Variants in FHOD3 observed in about 807,000 individuals in gnomAD.
FHOD3 encodes the protein FH1/FH2 domain-containing protein 3.
A neutral mutation model predicts 173.0 loss-of-function variants in FHOD3; 90 were observed. The ratio of observed to expected loss-of-function variants is 0.52; its 90% CI spans 0.44 to 0.62. The LOEUF is 0.62. FHOD3 is among the 20% of genes least tolerant of loss of function. The pLI, the probability that FHOD3 is intolerant of heterozygous loss-of-function variation, is 0.00. For synonymous variants in FHOD3, 828 were observed against 823.0 expected, an observed-to-expected ratio of 1.01 and a Z score of -0.10; for missense variants, 1,945 against 2,034.7, an observed-to-expected ratio of 0.96 and a Z score of 0.85.
intron 3 of FHOD3, among the ~76,000 whole-genome samples, chr18:36,392,404 T>A (rs2048344572): frequency 6.6e-6 from 1 of 152,218 alleles, no homozygotes; most frequent in South Asian, 2.1e-4. Flanking sequence ...ATCTTCCTTT[T>A]CTTCCCAAAA....
intron 3 of FHOD3, among the ~76,000 whole-genome samples, chr18:36,383,287 C>T (rs1165077631): frequency 1.3e-5 from 2 of 152,190 alleles, no homozygotes; most frequent in African/African-American, 4.8e-5. Context: ...TGTCCTGAAT[C>T]ACAGTGCTCT....
intron 2 of FHOD3, among the ~76,000 whole-genome samples, chr18:36,358,018 A>G (rs1272662883): frequency 1.3e-5 from 2 of 152,222 alleles, no homozygotes; most frequent in African/African-American, 2.4e-5. Flanking sequence ...TAGGCTCCCT[A>G]TTCACAAGAT....
chr18:36,362,415 TAGTG>T (rs1407105137), intron 2 of FHOD3, among the ~76,000 whole-genome samples: 2 of 151,810 alleles, frequency 1.3e-5, no homozygotes, highest in East Asian at 1.9e-4. Context: ...GTTAGGGAAA[TAGTG>T]AGGTGATACA....
intron 20 of FHOD3, among the ~76,000 whole-genome samples, chr18:36,738,577 A>G (rs1396739677): frequency 6.6e-6 from 1 of 152,170 alleles, no homozygotes; most frequent in African/African-American, 2.4e-5. Flanking sequence ...ATTCCATTTT[A>G]CTTTTAGATC....
At chr18:36,717,226 C>T (rs2040507164) in intron 18 of FHOD3, among the ~76,000 whole-genome samples, 1 of 151,890 alleles carries the variant, frequency 6.6e-6, no homozygotes, top group African/African-American at 2.4e-5. Context: ...ATGAGACGGG[C>T]TAGGAGGTTA....
chr18:36,646,885 A>G (rs895821411), intron 10 of FHOD3, among the ~76,000 whole-genome samples: 3 of 152,210 alleles, frequency 2.0e-5, no homozygotes, highest in African/African-American at 4.8e-5. Flanking sequence ...ATGAAAGACA[A>G]TAGAGAAGGG....
At chr18:36,696,784 A>G (rs2039308242) in intron 17 of FHOD3, among the ~76,000 whole-genome samples, 1 of 152,208 alleles carries the variant, frequency 6.6e-6, no homozygotes, top group Non-Finnish European at 1.5e-5. Flanking sequence ...TACCAGCCCA[A>G]GGGAGGGAAA....
chr18:36,647,490 TCTA>T (rs2149057850), intron 10 of FHOD3, among the ~76,000 whole-genome samples: 1 of 151,150 alleles, frequency 6.6e-6, no homozygotes, highest in Admixed American at 6.6e-5. Context: ...AGAATGCTCA[TCTA>T]CTACTTATGG....
intron 13 of FHOD3, among the ~76,000 whole-genome samples, chr18:36,653,778 T>A (rs1259016087): frequency 6.6e-6 from 1 of 152,216 alleles, no homozygotes; most frequent in Non-Finnish European, 1.5e-5. Flanking sequence ...TAGTTGATCA[T>A]TCTAATGACC....
At chr18:36,490,230 T>C (rs1480395682) in intron 3 of FHOD3, among the ~76,000 whole-genome samples, 1 of 152,150 alleles carries the variant, frequency 6.6e-6, no homozygotes, top group Non-Finnish European at 1.5e-5. Context: ...ATCTATTAAG[T>C]GGCCTTCATC....
chr18:36,755,398 T>A, intron 25 of FHOD3, 87 bp downstream of exon 25: 1 of 20,824 alleles, frequency 4.8e-5, no homozygotes. Flanking sequence ...AAAGCTGTGC[T>A]TTTTTTTTTT....
chr18:36,323,646 G>T (rs1462590380), intron 1 of FHOD3, among the ~76,000 whole-genome samples: 3 of 152,200 alleles, frequency 2.0e-5, no homozygotes, highest in Non-Finnish European at 4.4e-5. Flanking sequence ...AGAAGGTGGG[G>T]AGTTAAGAGC....
chr18:36,767,883 A>C (rs1023498638), intron 27 of FHOD3, among the ~76,000 whole-genome samples: 1 of 152,076 alleles, frequency 6.6e-6, no homozygotes, highest in African/African-American at 2.4e-5. Context: ...ACTGTTCCCA[A>C]CCATTTCCAT....
chr18:36,453,732 T>C (rs1362420311), intron 3 of FHOD3, among the ~76,000 whole-genome samples: 12 of 152,030 alleles, frequency 7.9e-5, no homozygotes, highest in Non-Finnish European at 1.8e-4. Context: ...GCAAAGAAGC[T>C]GGCACAGCAC....
At chr18:36,413,216 T>G (rs1190780523) in intron 3 of FHOD3, among the ~76,000 whole-genome samples, 3 of 152,220 alleles carry the variant, frequency 2.0e-5, no homozygotes, top group Non-Finnish European at 4.4e-5. Flanking sequence ...AAAAGATGCC[T>G]TGGTGATGGG....
At chr18:36,515,477 A>G (rs542570346) in intron 5 of FHOD3, among the ~76,000 whole-genome samples, 6 of 152,284 alleles carry the variant, frequency 3.9e-5, no homozygotes, top group Admixed American at 2.6e-4. Flanking sequence ...TCTGCCTCCC[A>G]AAGTGGTGGG....
At chr18:36,479,574 A>G (rs889051452) in intron 3 of FHOD3, among the ~76,000 whole-genome samples, 1 of 144,558 alleles carries the variant, frequency 6.9e-6, no homozygotes, top group Non-Finnish European at 1.5e-5. Context: ...GCTCAGGGCC[A>G]TTTTAGGAAT....
chr18:36,741,276 A>G (rs973603858), intron 21 of FHOD3, among the ~76,000 whole-genome samples: 1 of 152,200 alleles, frequency 6.6e-6, no homozygotes, highest in African/African-American at 2.4e-5. Context: ...GGGGAACAGA[A>G]GGAAATGGGC....
At chr18:36,357,798 A>G (rs1555679905) in intron 2 of FHOD3, among the ~76,000 whole-genome samples, 1 of 152,156 alleles carries the variant, frequency 6.6e-6, no homozygotes, top group Non-Finnish European at 1.5e-5. Flanking sequence ...TGTTATGAGT[A>G]GATCATTGTC....
Sources: gnomAD v4.1 joint callset for allele counts (sites outside exome capture counted in the v4.1 genomes callset) on GRCh38, gnomAD v4.1.1 for gene constraint, MANE v1.5 for transcripts, NCBI Gene and HGNC (gene_info 2026-07-23, HGNC 2026-07-21) for gene names.